Variants in AVIL observed in about 807,000 individuals in gnomAD.
AVIL encodes the protein advillin.
In AVIL, 78 loss-of-function variants were observed where a neutral mutation model predicts 109.9. The ratio of observed to expected loss-of-function variants is 0.71; its 90% CI spans 0.59 to 0.86. AVIL has a LOEUF of 0.86. Among genes scored for constraint, AVIL ranks in the 40% least tolerant of loss-of-function variants. AVIL has a pLI of 0.00. For synonymous variants in AVIL, 367 were observed against 379.1 expected (o/e 0.97, Z 0.37); for missense variants, 892 against 1,016.5 (o/e 0.88, Z 1.67).
At chr12:57,803,423 T>G (rs2140442192) in intron 15 of AVIL, 32 bp from the exon 16 acceptor site, 1 of 1,613,680 alleles carries the variant, frequency 6.2e-7, no homozygotes, top group Middle Eastern at 1.6e-4. Context: ...GGCATCAAGC[T>G]GCTTAGAAAT....
intron 17 of AVIL, among the ~76,000 whole-genome samples, chr12:57,801,748 GAA>G (rs1178752883): frequency 6.8e-6 from 1 of 147,170 alleles, no homozygotes; most frequent in Non-Finnish European, 1.5e-5. Context: ...CTCAAAAAAA[GAA>G]AAAAAAAAGT....
At chr12:57,800,022 T>C in intron 18 of AVIL, 102 bp from the exon 19 acceptor site, 1 of 1,432,436 alleles carries the variant, frequency 7.0e-7, no homozygotes, top group Non-Finnish European at 9.6e-7. Flanking sequence ...CTTATGCCAC[T>C]TCACCCTCTG....
intron 9 of AVIL, 24 bp downstream of exon 9, chr12:57,809,573 G>A: frequency 6.2e-7 from 1 of 1,612,398 alleles, no homozygotes; most frequent in Non-Finnish European, 8.5e-7. Flanking sequence ...TATTTGAACA[G>A]TATTGCACAT....
intron 14 of AVIL, 29 bp from the exon 15 acceptor site, chr12:57,803,698 G>A: frequency 6.2e-7 from 1 of 1,609,184 alleles, no homozygotes; most frequent in Non-Finnish European, 8.5e-7. Flanking sequence ...GAGCACAGAT[G>A]TTAGTTGCAC....
chr12:57,798,086 G>A (rs560190779), intron 19 of AVIL, 91 bp from the exon 20 acceptor site: 6 of 817,934 alleles, frequency 7.3e-6, no homozygotes, highest in African/African-American at 1.7e-5. Context: ...GGGAGTTCTA[G>A]GTGGATCCTT....
Position 57,809,596 on chromosome 12 carries a change from C to A in AVIL, c.939+1G>T, listed in dbSNP as rs1027382821. ...CAGTATTGCACATCTGTAGCTCCTA[C>A]CAGCGCTTTAGACATGGCTGCCTGT... On this transcript the variant is annotated splice_donor_variant, in intron 9 of 19. Coordinates refer to ENST00000549994, the MANE Select transcript of AVIL (RefSeq NM_006576.4). LOFTEE classifies it high-confidence loss of function. 6.2e-7 allele frequency: 1 copy of A among 1,614,236 alleles called. No individual in the cohort carries two copies. The highest frequency in any genetic ancestry group is 8.5e-7 in the Non-Finnish European group (1 of 1,180,030).
In AVIL at chr12:57,803,608, C is replaced by A; in HGVS notation, c.1733G>T (p.Ser578Ile). 16 of 1,614,186 alleles carry A rather than the reference C, an allele frequency of 9.9e-6. No individual in the cohort carries two copies. The highest frequency in any genetic ancestry group is 1.3e-5 in the Non-Finnish European group (15 of 1,180,036). Reference sequence around the variant, plus strand: ...CTGGCCCTCGGCCACAGTGTTCTCGCTGCCATCACAGAGAAGGCTGGCCAG... The same window carrying A: ...CTGGCCCTCGGCCACAGTGTTCTCGATGCCATCACAGAGAAGGCTGGCCAG... ...KELASLLCDG[S>I]ENTVAEGQEP... Residue 578 changes from serine to isoleucine, a missense_variant, in exon 15 of 20, where the codon AGC (serine) becomes ATC (isoleucine). Transcript: ENST00000549994.
intron 18 of AVIL, 37 bp downstream of exon 18, chr12:57,801,107 A>G: frequency 6.3e-7 from 1 of 1,587,230 alleles, no homozygotes; most frequent in Admixed American, 1.7e-5. Context: ...CTGGTTGCCC[A>G]TGTGGCTGGC....
At chr12:57,803,178 ATAC>A (rs1186027785) in intron 16 of AVIL, 66 bp downstream of exon 16, 59 of 1,587,198 alleles carry the variant, frequency 3.7e-5, no homozygotes, top group Non-Finnish European at 3.7e-5. Context: ...TAGGGTGGGG[ATAC>A]TACACAAAAA....
Position 57,816,067 on chromosome 12 carries a change from A to G in AVIL, c.-19-8T>C. 1 of 1,599,174 alleles carries G rather than the reference A, an allele frequency of 6.3e-7. No individual in the cohort carries two copies. Among genetic ancestry groups the G allele is most frequent in the South Asian group, 1.1e-5 (1 of 89,462 alleles). On this transcript the variant is annotated splice_region_variant and splice_polypyrimidine_tract_variant and intron_variant, in intron 1 of 19. Coordinates refer to ENST00000549994, the MANE Select transcript of AVIL (RefSeq NM_006576.4). ...ATGCTTGTCTTTCCAGGACTGAAAC[A>G]TCACAGAACAAGAGGGGAGATGATA...
intron 6 of AVIL, 34 bp downstream of exon 6, chr12:57,810,782 A>G (rs780617879): frequency 6.3e-7 from 1 of 1,596,346 alleles, no homozygotes; most frequent in Non-Finnish European, 8.6e-7. Flanking sequence ...AAGAAAGAGG[A>G]ACTTGAGAAA....
chr12:57,801,046 G>A (rs1224538912), intron 18 of AVIL, 98 bp downstream of exon 18: 2 of 961,192 alleles, frequency 2.1e-6, no homozygotes, highest in African/African-American at 3.3e-5. Flanking sequence ...GTAATACTAA[G>A]GACATGAGTT....
At chr12:57,801,932 T>C (rs1236748863) in intron 17 of AVIL, among the ~76,000 whole-genome samples, 1 of 152,232 alleles carries the variant, frequency 6.6e-6, no homozygotes, top group Non-Finnish European at 1.5e-5. Flanking sequence ...ATAAACTGTT[T>C]ATACTTCACA....
At position 57,813,322 on chromosome 12, in the gene AVIL, C is replaced by T. The variant is rs11172346; in HGVS notation, c.243G>A (p.Gln81=). Residue 81 remains glutamine, a synonymous_variant, in exon 4 of 20, where the codon CAG becomes CAA. Transcript: ENST00000549994. ...EQSCAAIYTT[Q]LDDYLGGSPV... ...GGCTGCCTCCCAGGTAGTCGTCCAG[C>T]TGTGTGGTATATATGGCTGCGCAGC... The T allele has an allele frequency of 8.7e-6, 14 of 1,614,104 alleles. No homozygotes were observed. Among genetic ancestry groups the T allele is most frequent in the Non-Finnish European group, 1.2e-5 (14 of 1,180,014 alleles).
chr12:57,807,445 C>T lies in AVIL; in HGVS notation c.1377G>A (p.Gln459=). Residue 459 remains glutamine, a synonymous_variant, in exon 13 of 20, where the codon CAG becomes CAA. Coordinates refer to ENST00000549994, the MANE Select transcript of AVIL (RefSeq NM_006576.4). ...SQDELAASAY[Q]AVEVDRQFDG... is the part of the protein sequence containing the mutation. ...CAAACTGCCGATCCACCTCCACTGC[C>T]TGGTATGCTGAGGCTGCCAGCTCAT... 6.2e-7 allele frequency: 1 copy of T among 1,614,266 alleles called. No individual in the cohort carries two copies. Among genetic ancestry groups the T allele is most frequent in the Non-Finnish European group, 8.5e-7 (1 of 1,180,052 alleles).
At chr12:57,815,632 C>T in intron 2 of AVIL, 1 of 1,317,080 alleles carries the variant, frequency 7.6e-7, no homozygotes, top group Non-Finnish European at 9.9e-7. Flanking sequence ...TGTTCCATTT[C>T]TCTGATGGAA....
chr12:57,802,442 G>A (rs1955869689), intron 16 of AVIL, 94 bp from the exon 17 acceptor site: 9 of 1,418,306 alleles, frequency 6.3e-6, no homozygotes, highest in African/African-American at 1.4e-5. Flanking sequence ...CCTTTCTTTC[G>A]TGAGCAATTC....
chr12:57,803,088 A>T (rs1955882720), intron 16 of AVIL, among the ~76,000 whole-genome samples, 159 bp downstream of exon 16: 1 of 152,172 alleles, frequency 6.6e-6, no homozygotes, highest in African/African-American at 2.4e-5. Context: ...CCTGGAAAAA[A>T]AACCCGGGCT....
chr12:57,814,465 T>C, intron 2 of AVIL: 2 of 501,912 alleles, frequency 4.0e-6, no homozygotes, highest in Non-Finnish European at 7.3e-6. Context: ...TGCTTTCCCT[T>C]GCCCTATTCT....
Sources: gnomAD v4.1 joint callset for allele counts (sites outside exome capture counted in the v4.1 genomes callset) on GRCh38, gnomAD v4.1.1 for gene constraint, MANE v1.5 for transcripts, NCBI Gene and HGNC (gene_info 2026-07-23, HGNC 2026-07-21) for gene names.